The following ZIC4 variants were observed in gnomAD, a reference collection of about 807,000 sequenced individuals.
ZIC4 encodes the protein zinc finger protein ZIC 4.
ZIC4 carries 15 observed loss-of-function variants against 28.8 expected under a neutral mutation model. That is an observed-to-expected ratio of 0.52 (90% CI 0.35 to 0.80). The LOEUF (loss-of-function observed/expected upper bound fraction) is 0.80. Among genes scored for constraint, ZIC4 ranks in the 30% least tolerant of loss-of-function variants. The probability of loss-of-function intolerance (pLI) is 0.01; values close to 1 mark genes in which losing one functional copy is unlikely to be tolerated. For synonymous variants in ZIC4, 220 were observed against 198.1 expected (o/e 1.11, Z -0.93); for missense variants, 512 against 467.1 (o/e 1.10, Z -0.89).
rs369138369 is a variant in ZIC4, at chr3:147,395,958, G to A, written c.582C>T (p.His194=). The A allele has an allele frequency of 6.2e-6, 10 of 1,614,140 alleles. No homozygotes were observed. The highest frequency in any genetic ancestry group is 8.5e-6 in the Non-Finnish European group (10 of 1,180,064). The part of the protein sequence containing the change: ...PFKAKYKLVN[H]IRVHTGEKPF... ...GCTTCTCGCCCGTGTGCACGCGGAT[G>A]TGATTTACAAGTTTGTATTTGGCTT... Residue 194 remains histidine (H), a synonymous_variant, in exon 3 of 5, where the codon CAC becomes CAT. Transcript: ENST00000383075.
Position 147,396,128 on chromosome 3 carries a change from T to G in ZIC4, c.412A>C (p.Thr138Pro). 1.9e-6 allele frequency: 3 copies of G among 1,613,658 alleles called. No individual in the cohort carries two copies. Among genetic ancestry groups the G allele is most frequent in the Non-Finnish European group, 2.5e-6 (3 of 1,179,958 alleles). ...TTGGAGCAGAGGCTCGGGGTCGCGG[T>G]GCCGTCGGCCGCCAGCCACTTGCAG... ...LICKWLAADG[T>P]ATPSLCSKTF... Residue 138 changes from threonine to proline, a missense_variant, in exon 3 of 5, where the codon ACC becomes CCC. By Grantham distance (38) the Thr-to-Pro change is conservative (BLOSUM62 -1). This residue lies in a region of ZIC4 where 310 missense variants were observed against 256.5 expected (regional missense o/e 1.21). Coordinates refer to ENST00000383075, the MANE Select transcript of ZIC4 (RefSeq NM_032153.6). This position sits in a 1 kb window ranked among gnomAD's most constrained non-coding sequence, Gnocchi z 4.2.
chr3:147,390,298 G>C (rs1339606174), intron 4 of ZIC4, among the ~76,000 whole-genome samples: 1 of 151,840 alleles, frequency 6.6e-6, no homozygotes, highest in Non-Finnish European at 1.5e-5. Flanking sequence ...GGAAACCATA[G>C]GAAGGCAAAG....
chr3:147,399,370 G>A (rs917660074), intron 2 of ZIC4, among the ~76,000 whole-genome samples: 1 of 152,140 alleles, frequency 6.6e-6, no homozygotes, highest in Non-Finnish European at 1.5e-5. Context: ...GTTGAATGAT[G>A]CAATTGTCTA....
chr3:147,393,869 G>A, intron 3 of ZIC4: 1 of 456,644 alleles, frequency 2.2e-6, no homozygotes, highest in Non-Finnish European at 4.4e-6. Context: ...CATTGTTCCG[G>A]GATCGCTGTG....
intron 3 of ZIC4, chr3:147,392,312 C>G: frequency 1.0e-6 from 1 of 985,702 alleles, no homozygotes; most frequent in Non-Finnish European, 1.2e-6. Context: ...TGGCATAGGC[C>G]GGGGAGGGGC....
rs1268276698 is a variant in ZIC4 at position 147,395,931 on chromosome 3, G to A, written c.609C>T (p.Pro203=). 6.2e-7 allele frequency: 1 copy of A among 1,614,254 alleles called. No individual in the cohort carries two copies. Among genetic ancestry groups the A allele is most frequent in the Admixed American group, 1.7e-5 (1 of 60,034 alleles). Residue 203 remains proline, a synonymous_variant, in exon 3 of 5, where the codon CCC becomes CCT. Transcript: ENST00000383075. ...NHIRVHTGEK[P]FPCPFPGCGK... is the part of the protein sequence containing the mutation. Reference sequence around the variant, plus strand: ...CACACCCCGGGAAAGGACAAGGGAAGGGCTTCTCGCCCGTGTGCACGCGGA... The same window carrying A: ...CACACCCCGGGAAAGGACAAGGGAAAGGCTTCTCGCCCGTGTGCACGCGGA...
At chr3:147,404,010 G>A (rs756693440) in intron 1 of ZIC4, 17 of 1,536,928 alleles carry the variant, frequency 1.1e-5, no homozygotes, top group Admixed American at 9.8e-5. Context: ...TAACCAAAAG[G>A]CATTCTTCCC....
intron 3 of ZIC4, chr3:147,391,451 T>C: frequency 1.8e-6 from 1 of 551,432 alleles, no homozygotes; most frequent in Non-Finnish European, 3.1e-6. Flanking sequence ...CCTCCATCCC[T>C]CCCGCCTTCC....
At chr3:147,405,415 A>G in intron 1 of ZIC4, 1 of 1,537,198 alleles carries the variant, frequency 6.5e-7, no homozygotes, top group South Asian at 1.2e-5. Flanking sequence ...TGACGGCCGA[A>G]GTGCAACCCT....
intron 1 of ZIC4, 33 bp from the exon 2 acceptor site, chr3:147,402,845 T>C: frequency 6.3e-7 from 1 of 1,582,546 alleles, no homozygotes; most frequent in Non-Finnish European, 8.7e-7. Flanking sequence ...CAGTCACTAG[T>C]TAAACAATTT....
chr3:147,386,072 T>G lies in ZIC4; in HGVS notation c.*2787A>C, dbSNP rs1245221179. 6.6e-6 allele frequency: 1 copy of G among 152,198 alleles called. No homozygotes were observed. 9.4% of individuals were successfully genotyped at this position (152,198 alleles called of 1,614,324 possible). On this transcript the variant is annotated 3_prime_UTR_variant, in exon 5 of 5. Coordinates refer to ENST00000383075, the MANE Select transcript of ZIC4 (RefSeq NM_032153.6). ...TCAAAAGAGGAAGAGAAACATCACATTATTTATTTCCAAAGAAAATAGCCA... is the reference window on the plus strand; with the variant it reads ...TCAAAAGAGGAAGAGAAACATCACAGTATTTATTTCCAAAGAAAATAGCCA...
chr3:147,392,100 C>G (rs1576456185), intron 3 of ZIC4: 2 of 985,456 alleles, frequency 2.0e-6, no homozygotes, highest in South Asian at 4.7e-5. Flanking sequence ...CGATGTCGAC[C>G]GGTCTGCCCA....
At chr3:147,391,447 T>C in intron 3 of ZIC4, 1 of 572,740 alleles carries the variant, frequency 1.7e-6, no homozygotes, top group South Asian at 2.6e-5. Flanking sequence ...AACGCCTCCA[T>C]CCCTCCCGCC....
In ZIC4 at chr3:147,386,152, A is replaced by C. The variant is rs1188325929; in HGVS notation, c.*2707T>G. 2 of 152,250 alleles carry C rather than the reference A, an allele frequency of 1.3e-5. No individual in the cohort carries two copies. Among genetic ancestry groups the C allele is most frequent in the South Asian group, 2.1e-4 (1 of 4,834 alleles). The allele number at this position is 152,250 out of a possible 1,614,324, so 9.4% of individuals were successfully genotyped here. A position where few individuals can be genotyped will look rare whatever the true frequency, so the allele number is the denominator to read the frequency against. ...GGAGGGAAAAGGAATCACAGATTTAATATCATTTACATTTATATATTTACA... is the reference window on the plus strand; with the variant it reads ...GGAGGGAAAAGGAATCACAGATTTACTATCATTTACATTTATATATTTACA... On this transcript the variant is annotated 3_prime_UTR_variant, in exon 5 of 5. Transcript: ENST00000383075.
Position 147,396,621 on chromosome 3 carries a change from G to A in ZIC4, c.71-152C>T, listed in dbSNP as rs1489864501. On this transcript the variant is annotated intron_variant, in intron 2 of 4. Transcript: ENST00000383075. This position sits in a 1 kb window ranked among gnomAD's most constrained non-coding sequence, Gnocchi z 4.2. ...CCAGACAGCGCCAGCAGTGAACCCG[G>A]TGGACAGAGCAAGGCCAAACACCTC... The A allele has an allele frequency of 1.8e-5, 19 of 1,041,532 alleles. No homozygotes were observed. Among genetic ancestry groups the A allele is most frequent in the Admixed American group, 7.1e-5 (2 of 28,258 alleles). The allele number at this position is 1,041,532 out of a possible 1,614,324, so 64.5% of individuals were successfully genotyped here.
In ZIC4 at chr3:147,396,270, T is replaced by C; in HGVS notation, c.270A>G (p.Ala90=). The C allele has an allele frequency of 1.9e-6, 3 of 1,610,916 alleles. No homozygotes were observed. Among genetic ancestry groups the C allele is most frequent in the Non-Finnish European group, 1.7e-6 (2 of 1,178,510 alleles). ...PGPAARSDAL[A]AAAALHGYGG... is the part of the protein sequence containing the mutation. ...CGTAGCCATGCAGGGCTGCGGCAGC[T>C]GCCAGGGCGTCGCTGCGGGCCGCAG... The change falls in exon 3 of 5, where the codon GCA becomes GCG. Residue 90 remains alanine, a synonymous_variant. Transcript: ENST00000383075. The surrounding 1 kb of genome is among the most constrained non-coding windows in gnomAD (Gnocchi z 4.2).
chr3:147,404,815 G>C (rs540729274), intron 1 of ZIC4, among the ~76,000 whole-genome samples: 1 of 152,286 alleles, frequency 6.6e-6, no homozygotes, highest in Admixed American at 6.5e-5. Flanking sequence ...TTGTGGGGCC[G>C]ACCTAGCCGG....
intron 2 of ZIC4, among the ~76,000 whole-genome samples, chr3:147,398,667 G>A (rs2087103052): frequency 6.6e-6 from 1 of 151,994 alleles, no homozygotes; most frequent in Admixed American, 6.6e-5. Context: ...GGCTTCCCTG[G>A]CGGCCATAAA....
chr3:147,396,282 G>C lies in ZIC4; in HGVS notation c.258C>G (p.Ser86Arg). ...EPFPPGPAAR[S>R]DALAAAAALH... is the part of the protein sequence containing the mutation. ...GGGCTGCGGCAGCTGCCAGGGCGTCGCTGCGGGCCGCAGGCCCTGGCGGGA... is the reference window on the plus strand; with the variant it reads ...GGGCTGCGGCAGCTGCCAGGGCGTCCCTGCGGGCCGCAGGCCCTGGCGGGA... Residue 86 changes from serine (S) to arginine (R), a missense_variant, in exon 3 of 5, where the codon AGC becomes AGG. Ser to Arg is a moderately radical substitution (Grantham distance 110). Transcript: ENST00000383075. This position sits in a 1 kb window ranked among gnomAD's most constrained non-coding sequence, Gnocchi z 4.2. 6.2e-7 allele frequency: 1 copy of C among 1,609,060 alleles called. No homozygotes were observed. The highest frequency in any genetic ancestry group is 8.5e-7 in the Non-Finnish European group (1 of 1,177,750).
Sources: gnomAD v4.1 joint callset for allele counts (sites outside exome capture counted in the v4.1 genomes callset) on GRCh38, gnomAD v4.1.1 for gene constraint, gnomAD v4.1.1 regional missense constraint, Gnocchi (gnomAD v3.1) non-coding constraint, MANE v1.5 for transcripts, NCBI Gene and HGNC (gene_info 2026-07-23, HGNC 2026-07-21) for gene names.